Variants in NHSL1 observed in about 807,000 individuals in gnomAD.
NHSL1 encodes the protein NHS like 1.
A neutral mutation model predicts 95.0 loss-of-function variants in NHSL1; 48 were observed. That is an observed-to-expected ratio of 0.51 (90% CI 0.40 to 0.64). The LOEUF is 0.64. Ranked by LOEUF, NHSL1 falls within the 30% of genes least tolerant of loss-of-function variation. NHSL1 has a pLI of 0.00. For missense variants in NHSL1, 1,971 were observed against 2,077.7 expected (o/e 0.95, Z 1.00); for synonymous variants, 783 against 833.9 (o/e 0.94, Z 1.05).
intron 1 of NHSL1, among the ~76,000 whole-genome samples, chr6:138,643,625 T>C (rs1299804646): frequency 1.3e-5 from 2 of 152,244 alleles, no homozygotes; most frequent in Non-Finnish European, 2.9e-5. Context: ...ACAAATAGTA[T>C]GCTTTTAATA....
chr6:138,626,145 G>C (rs1784734481), intron 1 of NHSL1, among the ~76,000 whole-genome samples: 1 of 152,154 alleles, frequency 6.6e-6, no homozygotes, highest in Admixed American at 6.5e-5. Context: ...AATGATCCCT[G>C]GCACTGAGGT....
At chr6:138,480,000 G>A (rs1329663552) in intron 2 of NHSL1, among the ~76,000 whole-genome samples, 2 of 152,134 alleles carry the variant, frequency 1.3e-5, no homozygotes, top group African/African-American at 2.4e-5. Flanking sequence ...AATGCGAAGT[G>A]GAATAAGATG....
chr6:138,445,999 T>G (rs535139340), intron 4 of NHSL1, among the ~76,000 whole-genome samples: 1 of 152,066 alleles, frequency 6.6e-6, no homozygotes, highest in East Asian at 1.9e-4. Context: ...ATGCTCCTTG[T>G]GGGCTATGGA....
At chr6:138,593,629 T>A (rs1784262534) in intron 1 of NHSL1, among the ~76,000 whole-genome samples, 1 of 152,208 alleles carries the variant, frequency 6.6e-6, no homozygotes, top group Admixed American at 6.5e-5. Context: ...AGATGAAAAG[T>A]GAGTCATTTC....
At chr6:138,460,360 C>T (rs1471878727) in intron 3 of NHSL1, among the ~76,000 whole-genome samples, 1 of 150,662 alleles carries the variant, frequency 6.6e-6, no homozygotes, top group Admixed American at 6.7e-5. Context: ...AGATGATATA[C>T]ATCAGCCCTC....
intron 3 of NHSL1, chr6:138,464,275 T>C: frequency 1.3e-6 from 1 of 798,064 alleles, no homozygotes; most frequent in Non-Finnish European, 2.1e-6. Flanking sequence ...ACTTCCTGCT[T>C]TGGCAGACCC....
Position 138,433,631 on chromosome 6 carries a change from A to T in NHSL1, c.714T>A (p.Pro238=). The part of the protein sequence containing the change: ...DDADGHSVYT[P]DHYSTLGRFN... ...ACCTTCCTAGTGTAGAGTAGTGATCAGGGGTGTACACTGAGTGGCCATCAG... is the reference window on the plus strand; with the variant it reads ...ACCTTCCTAGTGTAGAGTAGTGATCTGGGGTGTACACTGAGTGGCCATCAG... Residue 238 remains proline, a synonymous_variant, in exon 6 of 8, where the codon CCT becomes CCA. Coordinates refer to ENST00000343505, the MANE Select transcript of NHSL1 (RefSeq NM_001144060.2). 1 of 1,551,896 alleles carries T rather than the reference A, an allele frequency of 6.4e-7. No individual in the cohort carries two copies. The highest frequency in any genetic ancestry group is 1.7e-4 in the Middle Eastern group (1 of 5,992).
intron 1 of NHSL1, among the ~76,000 whole-genome samples, chr6:138,630,125 G>A (rs544439424): frequency 5.3e-5 from 8 of 152,166 alleles, no homozygotes; most frequent in African/African-American, 1.7e-4. Context: ...TGAGGTGGGA[G>A]GATCGCTTGA....
chr6:138,429,730 G>A lies in NHSL1; in HGVS notation c.4066C>T (p.Leu1356Phe). ...AAATACCTGTGAATAGCTGCAAAAA[G>A]GTCTTCTGTGGTCCTGGGTCGACTG... Reference protein sequence around the residue: ...TPSRPRTTEDLFAAIHRSKRK... With the variant: ...TPSRPRTTEDFFAAIHRSKRK... The change falls in exon 7 of 8, where the codon CTT becomes TTT. Residue 1356 changes from leucine (L) to phenylalanine (F), a missense_variant. This residue lies in a region of NHSL1 where 146 missense variants were observed against 206.3 expected (regional missense o/e 0.71). Transcript: ENST00000343505. The A allele has an allele frequency of 6.4e-7, 1 of 1,551,352 alleles. No individual in the cohort carries two copies. The highest frequency in any genetic ancestry group is 8.7e-7 in the Non-Finnish European group (1 of 1,146,858).
intron 4 of NHSL1, 33 bp downstream of exon 4, chr6:138,446,968 A>G (rs1256773182): frequency 6.5e-7 from 1 of 1,544,852 alleles, no homozygotes; most frequent in Non-Finnish European, 8.8e-7. Context: ...TCTCCCAAGT[A>G]CATTCTGAAC....
chr6:138,664,776 C>G (rs567955969), intron 1 of NHSL1, among the ~76,000 whole-genome samples: 2 of 152,242 alleles, frequency 1.3e-5, no homozygotes, highest in Non-Finnish European at 2.9e-5. Flanking sequence ...TCGGAGCTGG[C>G]TAATCTGAAA....
chr6:138,588,829 T>C (rs1333348749), intron 1 of NHSL1, among the ~76,000 whole-genome samples: 1 of 152,184 alleles, frequency 6.6e-6, no homozygotes, highest in Non-Finnish European at 1.5e-5. Flanking sequence ...AAATAAGACT[T>C]TTAACGGCTT....
chr6:138,463,701 C>G (rs1380097106), intron 3 of NHSL1, among the ~76,000 whole-genome samples: 1 of 151,922 alleles, frequency 6.6e-6, no homozygotes, highest in Non-Finnish European at 1.5e-5. Flanking sequence ...TTTGTCCCCA[C>G]CCCGCTGACA....
At chr6:138,486,810 C>T (rs1358238869) in intron 2 of NHSL1, among the ~76,000 whole-genome samples, 1 of 152,242 alleles carries the variant, frequency 6.6e-6, no homozygotes, top group Non-Finnish European at 1.5e-5. Context: ...ATGGATGTTA[C>T]TGTCAAGTAG....
chr6:138,494,535 AGAGTT>A (rs1461506660), intron 2 of NHSL1, among the ~76,000 whole-genome samples: 1 of 152,236 alleles, frequency 6.6e-6, no homozygotes, highest in Non-Finnish European at 1.5e-5. Context: ...ATCTGGCATT[AGAGTT>A]AAGTGTTTAA....
At chr6:138,438,352 A>AT (rs993579553) in intron 5 of NHSL1, among the ~76,000 whole-genome samples, 21 of 151,482 alleles carry the variant, frequency 1.4e-4, no homozygotes, top group African/African-American at 2.2e-4. Flanking sequence ...TACACTGTAC[A>AT]TTTTTTTTTA....
intron 1 of NHSL1, among the ~76,000 whole-genome samples, chr6:138,555,740 C>T (rs141297944): frequency 4.2e-4 from 64 of 152,328 alleles, no homozygotes; most frequent in African/African-American, 1.4e-3. Flanking sequence ...GTGACTCAGA[C>T]GCTTCCAAAA....
chr6:138,538,713 C>T (rs1328697157), intron 1 of NHSL1, among the ~76,000 whole-genome samples: 2 of 152,166 alleles, frequency 1.3e-5, no homozygotes, highest in African/African-American at 2.4e-5. Flanking sequence ...TCAGCAAAGC[C>T]GAGATTTTCT....
intron 5 of NHSL1, among the ~76,000 whole-genome samples, chr6:138,439,293 AT>A (rs1776378051): frequency 6.6e-6 from 1 of 151,968 alleles, no homozygotes; most frequent in Admixed American, 6.6e-5. Context: ...TTGGGACATC[AT>A]TTTCTTTTTT....
Sources: gnomAD v4.1 joint callset for allele counts (sites outside exome capture counted in the v4.1 genomes callset) on GRCh38, gnomAD v4.1.1 for gene constraint, gnomAD v4.1.1 regional missense constraint, MANE v1.5 for transcripts, NCBI Gene and HGNC (gene_info 2026-07-23, HGNC 2026-07-21) for gene names.